HPSE2: variants seen among roughly 807,000 people sequenced by gnomAD.
HPSE2 encodes the protein heparanase 2 (inactive), also known as inactive heparanase-2.
In HPSE2, 38 loss-of-function variants were observed where a neutral mutation model predicts 60.5. That is an observed-to-expected ratio of 0.63 (90% CI 0.48 to 0.82). The LOEUF (loss-of-function observed/expected upper bound fraction) is 0.82. Among genes scored for constraint, HPSE2 ranks in the 40% least tolerant of loss-of-function variants. The pLI is 0.00. For synonymous variants in HPSE2, 295 were observed against 293.2 expected, an observed-to-expected ratio of 1.01 and a Z score of -0.06; for missense variants, 713 against 740.4, an observed-to-expected ratio of 0.96 and a Z score of 0.43.
At chr10:99,103,118 G>A (rs1844082380) in intron 3 of HPSE2, among the ~76,000 whole-genome samples, 1 of 152,162 alleles carries the variant, frequency 6.6e-6, no homozygotes, top group African/African-American at 2.4e-5. Context: ...ACATAGTGTT[G>A]GAAGTTCTGG....
intron 7 of HPSE2, among the ~76,000 whole-genome samples, chr10:98,626,787 T>C (rs76438201): frequency 3.9e-5 from 6 of 152,086 alleles, no homozygotes; most frequent in African/African-American, 1.2e-4. Context: ...TTTTTTTTTT[T>C]CTCAAGACGG....
rs1252890195 is a variant in HPSE2 at position 98,942,134 on chromosome 10, A to G, written c.611-198078T>C. Among the ~76,000 whole-genome samples, 1,345 of 139,040 alleles carry G rather than the reference A, an allele frequency of 9.7e-3. 216 individuals are homozygous for G. The highest frequency in any genetic ancestry group is 0.038 in the African/African-American group (1,292 of 33,788). The allele number at this position is 139,040 out of a possible 152,430, so 91.2% of individuals were successfully genotyped here. The stretch of plus-strand genomic sequence containing the variant: ...CCTAAAACCATAAAAACCCTAGAAG[A>G]AAACCTAGGCATTACCATTCAGGAC... On this transcript the variant is annotated intron_variant, in intron 3 of 11. Coordinates refer to ENST00000370552, the MANE Select transcript of HPSE2 (RefSeq NM_021828.5).
intron 5 of HPSE2, among the ~76,000 whole-genome samples, chr10:98,710,274 C>T (rs765976140): frequency 4.6e-5 from 7 of 152,088 alleles, no homozygotes; most frequent in African/African-American, 7.2e-5. Flanking sequence ...ACCTTCAGTC[C>T]TCCATTTCTT....
At chr10:99,101,015 T>C (rs1589656543) in intron 3 of HPSE2, among the ~76,000 whole-genome samples, 1 of 152,126 alleles carries the variant, frequency 6.6e-6, no homozygotes, top group Non-Finnish European at 1.5e-5. Context: ...GAACAACCGG[T>C]ACCAGCCACT....
intron 3 of HPSE2, among the ~76,000 whole-genome samples, chr10:98,926,903 T>A (rs1366958935): frequency 6.6e-6 from 1 of 152,174 alleles, no homozygotes; most frequent in Admixed American, 6.5e-5. Context: ...GTTCAGTCTC[T>A]ATGTAGTTGA....
chr10:99,160,405 C>A (rs1055395046), intron 2 of HPSE2, among the ~76,000 whole-genome samples: 6 of 152,154 alleles, frequency 3.9e-5, no homozygotes, highest in Middle Eastern at 3.4e-3. Context: ...ATAGTTATAA[C>A]CCAGAAAACC....
At chr10:99,067,581 C>T (rs1470103413) in intron 3 of HPSE2, among the ~76,000 whole-genome samples, 1 of 152,194 alleles carries the variant, frequency 6.6e-6, no homozygotes, top group Non-Finnish European at 1.5e-5. Context: ...AAGTAATAGT[C>T]TGAGCTGTAT....
intron 3 of HPSE2, among the ~76,000 whole-genome samples, chr10:98,999,934 G>A (rs1039611251): frequency 3.9e-5 from 6 of 152,164 alleles, no homozygotes; most frequent in Non-Finnish European, 8.8e-5. Context: ...TGAATTTGCA[G>A]TATGATAGAT....
chr10:99,215,088 G>A (rs1188363522), intron 2 of HPSE2, among the ~76,000 whole-genome samples: 1 of 152,048 alleles, frequency 6.6e-6, no homozygotes, highest in Non-Finnish European at 1.5e-5. Context: ...CCATTACTGG[G>A]TATATACCCA....
intron 8 of HPSE2, among the ~76,000 whole-genome samples, chr10:98,618,973 T>C (rs144961255): frequency 6.6e-6 from 1 of 152,154 alleles, no homozygotes; most frequent in Non-Finnish European, 1.5e-5. Flanking sequence ...ACATTGTCTG[T>C]GCTACACAAC....
chr10:99,020,704 C>A (rs1223883192), intron 3 of HPSE2, among the ~76,000 whole-genome samples: 1 of 152,162 alleles, frequency 6.6e-6, no homozygotes, highest in Non-Finnish European at 1.5e-5. Flanking sequence ...TTGTGAAGAA[C>A]ACACAAGACT....
chr10:98,840,532 C>G (rs1423770220), intron 3 of HPSE2, among the ~76,000 whole-genome samples: 1 of 152,094 alleles, frequency 6.6e-6, no homozygotes, highest in East Asian at 1.9e-4. Flanking sequence ...ACAGTGGGAA[C>G]AGAGAAGACA....
At chr10:98,583,173 A>G (rs989541231) in intron 9 of HPSE2, among the ~76,000 whole-genome samples, 8 of 152,172 alleles carry the variant, frequency 5.3e-5, no homozygotes, top group Non-Finnish European at 1.2e-4. Flanking sequence ...AACTAAATCA[A>G]AGGGAAAAAC....
At chr10:98,544,404 C>T (rs1258158897) in intron 9 of HPSE2, among the ~76,000 whole-genome samples, 2 of 152,044 alleles carry the variant, frequency 1.3e-5, no homozygotes, top group Non-Finnish European at 2.9e-5. Context: ...GACACCCTAA[C>T]ATCCCAATTA....
At chr10:98,823,642 G>A (rs1452856744) in intron 3 of HPSE2, among the ~76,000 whole-genome samples, 3 of 151,822 alleles carry the variant, frequency 2.0e-5, no homozygotes, top group Non-Finnish European at 4.4e-5. Flanking sequence ...TAAATAAATA[G>A]ATAGATAGAG....
At chr10:98,724,214 C>T (rs908230448) in intron 4 of HPSE2, among the ~76,000 whole-genome samples, 3 of 152,120 alleles carry the variant, frequency 2.0e-5, no homozygotes, top group East Asian at 1.9e-4. Context: ...GCCTTCATTT[C>T]GTTATGTACC....
At chr10:99,132,339 T>C (rs148763687) in intron 3 of HPSE2, among the ~76,000 whole-genome samples, 143 of 151,838 alleles carry the variant, frequency 9.4e-4, no homozygotes, top group African/African-American at 3.1e-3. Flanking sequence ...CGAAAAACTA[T>C]TGAAGTAAAA....
intron 3 of HPSE2, among the ~76,000 whole-genome samples, chr10:99,018,170 C>A (rs1957183435): frequency 6.6e-6 from 1 of 152,170 alleles, no homozygotes; most frequent in East Asian, 1.9e-4. Context: ...TAACTTAAAA[C>A]TCTAGCAGCT....
intron 3 of HPSE2, among the ~76,000 whole-genome samples, chr10:99,107,943 G>C (rs1844311835): frequency 6.6e-6 from 1 of 152,144 alleles, no homozygotes; most frequent in African/African-American, 2.4e-5. Context: ...TGAGAAGCAA[G>C]ATTGAACTAT....
Sources: gnomAD v4.1 joint callset for allele counts (sites outside exome capture counted in the v4.1 genomes callset) on GRCh38, gnomAD v4.1.1 for gene constraint, MANE v1.5 for transcripts, NCBI Gene and HGNC (gene_info 2026-07-23, HGNC 2026-07-21) for gene names.